ATP6V0A4: variants seen among roughly 807,000 people sequenced by gnomAD.
The protein encoded by ATP6V0A4 is ATPase H+ transporting V0 subunit a4.
A neutral mutation model predicts 107.3 loss-of-function variants in ATP6V0A4; 86 were observed. The ratio of observed to expected loss-of-function variants is 0.80; its 90% confidence interval spans 0.67 to 0.96. The LOEUF (loss-of-function observed/expected upper bound fraction) is 0.96. Among genes scored for constraint, ATP6V0A4 ranks in the 40% least tolerant of loss-of-function variants. The probability of loss-of-function intolerance (pLI) is 0.00; values close to 1 mark genes in which losing one functional copy is unlikely to be tolerated. For synonymous variants in ATP6V0A4, 353 were observed against 381.4 expected (o/e 0.93, Z 0.87); for missense variants, 908 against 1,045.6 (o/e 0.87, Z 1.81).
intron 2 of ATP6V0A4, among the ~76,000 whole-genome samples, chr7:138,780,844 G>T (rs1807885523): frequency 1.3e-5 from 2 of 151,988 alleles, no homozygotes; most frequent in African/African-American, 4.8e-5. Context: ...GGTTGAGACT[G>T]CTATGATCCG....
intron 20 of ATP6V0A4, among the ~76,000 whole-genome samples, chr7:138,710,845 C>T (rs561086834): frequency 2.6e-5 from 4 of 151,998 alleles, no homozygotes; most frequent in Admixed American, 6.6e-5. Context: ...ACATCTTATA[C>T]GTAGTTTCAG....
chr7:138,735,438 G>C (rs12531108), intron 15 of ATP6V0A4, among the ~76,000 whole-genome samples: 14,730 of 152,080 alleles, frequency 0.097, 849 homozygotes, highest in South Asian at 0.19. Flanking sequence ...TCTGTTAAGG[G>C]GCCAACATCC....
At chr7:138,742,900 CAAA>C (rs563017805) in intron 14 of ATP6V0A4, among the ~76,000 whole-genome samples, 5 of 131,662 alleles carry the variant, frequency 3.8e-5, no homozygotes, top group South Asian at 2.5e-4. Context: ...AATTGCAAAG[CAAA>C]AAAAAAAAAA....
chr7:138,718,317 T>C (rs1174642107), intron 19 of ATP6V0A4, among the ~76,000 whole-genome samples: 13 of 51,664 alleles, frequency 2.5e-4, no homozygotes, highest in African/African-American at 6.9e-4. Flanking sequence ...TGTGTGTGTG[T>C]GTGCAGTTAT....
intron 13 of ATP6V0A4, among the ~76,000 whole-genome samples, chr7:138,746,454 G>A (rs1025760725): frequency 1.3e-5 from 2 of 151,752 alleles, no homozygotes; most frequent in Non-Finnish European, 1.5e-5. Context: ...CACTAACCTC[G>A]ACATCGCTGA....
chr7:138,792,785 TG>T (rs779391836), intron 1 of ATP6V0A4, among the ~76,000 whole-genome samples: 4,892 of 44,628 alleles, frequency 0.11, 217 homozygotes, highest in African/African-American at 0.16. Context: ...TTTGTTGTTT[TG>T]TTTTTTTTTT....
Position 138,718,840 on chromosome 7 carries a change from G to A in ATP6V0A4, c.2140-2959C>T, listed in dbSNP as rs988175973. On this transcript the variant is annotated intron_variant, in intron 19 of 21. Transcript: ENST00000310018. ...AATTGAAGGGACAGGGATGGGCAGA[G>A]ATGGAGTGAGCAGGTAGAAAGAGTC... is the stretch of plus-strand genomic sequence containing the variant. Among the ~76,000 whole-genome samples the A allele has an allele frequency of 4.6e-5, 7 of 152,274 alleles. No homozygotes were observed. In the South Asian group the frequency reaches 8.3e-4, roughly 18 times the overall value.
chr7:138,795,912 C>T (rs747026631), intron 1 of ATP6V0A4, among the ~76,000 whole-genome samples: 6 of 152,182 alleles, frequency 3.9e-5, no homozygotes, highest in African/African-American at 1.2e-4. Flanking sequence ...ACCTCGGCCT[C>T]CCAAAGTGTT....
At chr7:138,793,439 GAAGAAAGA>G (rs1808517561) in intron 1 of ATP6V0A4, among the ~76,000 whole-genome samples, 1 of 152,132 alleles carries the variant, frequency 6.6e-6, no homozygotes, top group Admixed American at 6.6e-5. Context: ...AAACTACAGG[GAAGAAAGA>G]AACCCGCAAT....
chr7:138,767,521 T>G (rs1393975508), intron 5 of ATP6V0A4, among the ~76,000 whole-genome samples: 1 of 151,550 alleles, frequency 6.6e-6, no homozygotes, highest in Non-Finnish European at 1.5e-5. Flanking sequence ...AGACTCCATC[T>G]CAAAAAAATA....
intron 14 of ATP6V0A4, among the ~76,000 whole-genome samples, chr7:138,743,604 A>T (rs1805751335): frequency 6.6e-6 from 1 of 152,162 alleles, no homozygotes; most frequent in Non-Finnish European, 1.5e-5. Context: ...AGCCAGTAAG[A>T]CCCGTGAAGT....
intron 21 of ATP6V0A4, among the ~76,000 whole-genome samples, chr7:138,709,416 G>A (rs1803620015): frequency 6.6e-6 from 1 of 151,730 alleles, no homozygotes; most frequent in African/African-American, 2.4e-5. Context: ...ATGAATGAGT[G>A]TGTGTGTATA....
chr7:138,788,264 A>C (rs1808255853), intron 1 of ATP6V0A4, among the ~76,000 whole-genome samples: 1 of 152,242 alleles, frequency 6.6e-6, no homozygotes, highest in African/African-American at 2.4e-5. Context: ...TATTAAACAA[A>C]AGATGAATCT....
intron 5 of ATP6V0A4, among the ~76,000 whole-genome samples, chr7:138,767,420 G>A (rs978244466): frequency 3.9e-5 from 6 of 152,130 alleles, no homozygotes; most frequent in Admixed American, 2.0e-4. Context: ...CTACTTGGGA[G>A]GCTAAGGCAG....
chr7:138,786,642 C>CT (rs1361136913), intron 1 of ATP6V0A4, among the ~76,000 whole-genome samples: 5 of 151,610 alleles, frequency 3.3e-5, no homozygotes, highest in Admixed American at 3.3e-4. Context: ...ATTTTTTTAC[C>CT]TATAGCCTAA....
chr7:138,744,261 G>A (rs1255700150), intron 14 of ATP6V0A4, among the ~76,000 whole-genome samples: 2 of 134,864 alleles, frequency 1.5e-5, no homozygotes, highest in South Asian at 2.3e-4. Flanking sequence ...TTTTTCAGTT[G>A]GAGTCTTGCT....
At chr7:138,790,298 G>T (rs1392748403) in intron 1 of ATP6V0A4, among the ~76,000 whole-genome samples, 1 of 152,106 alleles carries the variant, frequency 6.6e-6, no homozygotes, top group Admixed American at 6.6e-5. Context: ...TGCTGCTGTT[G>T]CTGTTGTTTT....
chr7:138,718,719 T>TAC (rs1804281767), intron 19 of ATP6V0A4, among the ~76,000 whole-genome samples: 1 of 64,844 alleles, frequency 1.5e-5, no homozygotes, highest in Non-Finnish European at 3.1e-5. Flanking sequence ...GAGGGAGACG[T>TAC]CCAGGAAGGA....
intron 2 of ATP6V0A4, among the ~76,000 whole-genome samples, chr7:138,784,031 C>A (rs186918654): frequency 1.2e-4 from 18 of 151,850 alleles, no homozygotes; most frequent in Admixed American, 1.1e-3. Flanking sequence ...CTCTAGCCCC[C>A]AAAAGGGTGC....
Sources: allele counts gnomAD v4.1 joint callset (sites outside exome capture counted in the v4.1 genomes callset), GRCh38; gene constraint gnomAD v4.1.1; transcripts MANE v1.5; gene names NCBI Gene and HGNC (gene_info 2026-07-23, HGNC 2026-07-21).